Variants in DCX observed in about 807,000 individuals in gnomAD.
DCX encodes the protein neuronal migration protein doublecortin.
In DCX, 4 loss-of-function variants were observed where a neutral mutation model predicts 20.9. The ratio of observed to expected loss-of-function variants is 0.19; its 90% CI spans 0.09 to 0.44. The LOEUF (loss-of-function observed/expected upper bound fraction) is 0.44, where lower values mean the gene tolerates loss of function less well. Among genes scored for constraint, DCX ranks in the 20% least tolerant of loss-of-function variants. DCX has a pLI of 0.99. For missense variants in DCX, 133 were observed against 296.9 expected, an observed-to-expected ratio of 0.45 and a Z score of 4.06; for synonymous variants, 103 against 111.4, an observed-to-expected ratio of 0.92 and a Z score of 0.47.
chrX:111,324,922 G>C (rs2095096100), intron 5 of DCX, among the ~76,000 whole-genome samples: 1 of 111,511 alleles, frequency 9.0e-6, no homozygotes, highest in Non-Finnish European at 1.9e-5. Context: ...CATATACCAT[G>C]CACTATGGGG....
chrX:111,391,557 C>T (rs1926957160), intron 3 of DCX, among the ~76,000 whole-genome samples: 1 of 111,223 alleles, frequency 9.0e-6, no homozygotes, highest in South Asian at 3.8e-4. Flanking sequence ...GGTTTCTCAA[C>T]TACTATAGAC....
At chrX:111,303,239 C>G (rs2095037974) in intron 6 of DCX, among the ~76,000 whole-genome samples, 1 of 109,757 alleles carries the variant, frequency 9.1e-6, no homozygotes, top group South Asian at 4.1e-4. Context: ...AGGCGCCCAC[C>G]ACCACGCCTG....
intron 3 of DCX, among the ~76,000 whole-genome samples, chrX:111,398,451 G>C (rs144026087): frequency 4.5e-5 from 5 of 111,415 alleles, no homozygotes; most frequent in African/African-American, 1.6e-4. Flanking sequence ...ACCTCCAGGG[G>C]TCAGGGTGGG....
chrX:111,345,728 G>C (rs1302486308), intron 3 of DCX, among the ~76,000 whole-genome samples: 1 of 111,434 alleles, frequency 9.0e-6, no homozygotes, highest in East Asian at 2.9e-4. Context: ...CTTTATAGTA[G>C]AATGATTTAT....
chrX:111,303,471 G>T (rs1181836751), intron 6 of DCX, among the ~76,000 whole-genome samples: 1 of 111,063 alleles, frequency 9.0e-6, no homozygotes, highest in Non-Finnish European at 1.9e-5. Flanking sequence ...GGACAAGAGT[G>T]GGGAGGAGAA....
intron 3 of DCX, among the ~76,000 whole-genome samples, chrX:111,391,474 C>G (rs1926948364): frequency 1.8e-5 from 2 of 111,519 alleles, no homozygotes; most frequent in Non-Finnish European, 3.8e-5. Context: ...AAGGTCATTG[C>G]TAAATATTGC....
intron 5 of DCX, among the ~76,000 whole-genome samples, chrX:111,320,561 C>T (rs1255777367): frequency 9.0e-6 from 1 of 111,099 alleles, no homozygotes; most frequent in East Asian, 2.8e-4. Context: ...TGGATCTTCT[C>T]CTTAACTTGT....
chrX:111,381,433 G>A (rs1048679785), intron 3 of DCX, among the ~76,000 whole-genome samples: 1 of 110,364 alleles, frequency 9.1e-6, no homozygotes, highest in African/African-American at 3.3e-5. Context: ...TGGGATGACA[G>A]AGAATTATCT....
intron 3 of DCX, among the ~76,000 whole-genome samples, chrX:111,339,573 A>C (rs1431815023): frequency 8.9e-6 from 1 of 111,903 alleles, no homozygotes; most frequent in Non-Finnish European, 1.9e-5. Flanking sequence ...GTTTCTTTAT[A>C]TATTACCCAG....
chrX:111,354,334 T>A (rs1440474657), intron 3 of DCX, among the ~76,000 whole-genome samples: 1 of 111,664 alleles, frequency 9.0e-6, no homozygotes, highest in Non-Finnish European at 1.9e-5. Flanking sequence ...TAGAATTCTG[T>A]CTCTATCTCC....
rs2095016937 is a variant in DCX, at chrX:111,294,999, T to A, written c.*6688A>T. The A allele has an allele frequency of 8.9e-6, 1 of 112,589 alleles. No homozygotes were observed. The highest frequency in any genetic ancestry group is 9.5e-5 in the Admixed American group (1 of 10,569). The allele number at this position is 112,589 out of a possible 1,213,427, so 9.3% of individuals were successfully genotyped here. A position where few individuals can be genotyped will look rare whatever the true frequency, so the allele number is the denominator to read the frequency against. ...GCACAAAAAGGTGATCAAAAACATT[T>A]TAAAGAACTTACCACACGTGGGAAA... On this transcript the variant is annotated 3_prime_UTR_variant, in exon 7 of 7. Transcript: ENST00000636035.
At chrX:111,349,320 C>A (rs758038821) in intron 3 of DCX, among the ~76,000 whole-genome samples, 7 of 111,461 alleles carry the variant, frequency 6.3e-5, no homozygotes, top group African/African-American at 2.3e-4. Flanking sequence ...ACTGTACCCC[C>A]CTTCCCAGGC....
intron 3 of DCX, among the ~76,000 whole-genome samples, chrX:111,374,660 A>T (rs1222321190): frequency 9.1e-6 from 1 of 110,194 alleles, no homozygotes. Flanking sequence ...AAACCAAGGT[A>T]TTTCTCAACT....
intron 3 of DCX, among the ~76,000 whole-genome samples, chrX:111,364,347 T>G (rs1924441483): frequency 8.9e-6 from 1 of 111,988 alleles, no homozygotes; most frequent in African/African-American, 3.2e-5. Context: ...AACAAATACA[T>G]GAAAAGGTGC....
At chrX:111,340,132 G>A (rs1569490305) in intron 3 of DCX, among the ~76,000 whole-genome samples, 1 of 112,560 alleles carries the variant, frequency 8.9e-6, no homozygotes, top group Non-Finnish European at 1.9e-5. Flanking sequence ...AGCTCCCTGG[G>A]TCGGGGAAGG....
chrX:111,356,170 A>C (rs1213086843), intron 3 of DCX, among the ~76,000 whole-genome samples: 1 of 112,849 alleles, frequency 8.9e-6, no homozygotes, highest in Non-Finnish European at 1.9e-5. Flanking sequence ...GACTCAAGAA[A>C]AATTATAATC....
chrX:111,410,962 G>A (rs760302851), intron 1 of DCX: 2 of 1,205,902 alleles, frequency 1.7e-6, no homozygotes, highest in African/African-American at 1.8e-5. Context: ...CTATGAAGGG[G>A]GAGTGTTTTC....
intron 5 of DCX, among the ~76,000 whole-genome samples, chrX:111,320,442 T>C (rs185648105): frequency 8.9e-6 from 1 of 112,092 alleles, no homozygotes; most frequent in Admixed American, 9.4e-5. Context: ...TGGCTGGAAA[T>C]GGCACCACTG....
At chrX:111,359,642 T>G (rs1472589829) in intron 3 of DCX, among the ~76,000 whole-genome samples, 1 of 112,005 alleles carries the variant, frequency 8.9e-6, no homozygotes, top group Admixed American at 9.5e-5. Context: ...AGAATTACCT[T>G]CTAAAATACA....
Sources: allele counts gnomAD v4.1 joint callset (sites outside exome capture counted in the v4.1 genomes callset), GRCh38; gene constraint gnomAD v4.1.1; transcripts MANE v1.5; gene names NCBI Gene and HGNC (gene_info 2026-07-23, HGNC 2026-07-21).